Variants in CRYBG2 observed in about 807,000 individuals in gnomAD.
CRYBG2 encodes the protein crystallin beta-gamma domain containing 2.
A neutral mutation model predicts 153.4 loss-of-function variants in CRYBG2; 106 were observed. That is an observed-to-expected ratio of 0.69 (90% CI 0.59 to 0.81). The LOEUF (loss-of-function observed/expected upper bound fraction) is 0.81, where lower values mean the gene tolerates loss of function less well. Ranked by LOEUF, CRYBG2 falls within the 30% of genes least tolerant of loss-of-function variation. The pLI is 0.00. For missense variants in CRYBG2, 1,996 were observed against 2,112.0 expected, an observed-to-expected ratio of 0.95 and a Z score of 1.08; for synonymous variants, 851 against 877.8, an observed-to-expected ratio of 0.97 and a Z score of 0.54.
rs562768028 is a variant in CRYBG2 at position 26,321,951 on chromosome 1, G to A, written c.*17C>T. On this transcript the variant is annotated 3_prime_UTR_variant, in exon 20 of 20. Coordinates refer to ENST00000308182, the MANE Select transcript of CRYBG2 (RefSeq NM_001039775.4). ...CCCAGCAAAAGCCTCCAGGGCTGGAGGGTGAGGGGAAAAGTTTCAAAGCAC... is the reference window on the plus strand; with the variant it reads ...CCCAGCAAAAGCCTCCAGGGCTGGAAGGTGAGGGGAAAAGTTTCAAAGCAC... 4.2e-4 allele frequency: 651 copies of A among 1,542,660 alleles called. 12 individuals carry two copies. The South Asian group carries it at 7.3e-3, about 17-fold the overall frequency.
At chr1:26,352,277 A>C (rs1027073255) in intron 1 of CRYBG2, among the ~76,000 whole-genome samples, 3 of 152,096 alleles carry the variant, frequency 2.0e-5, no homozygotes, top group African/African-American at 7.2e-5. Flanking sequence ...AAAAACATAC[A>C]CAACCAGGGA....
chr1:26,323,192 C>T (rs1026703081), intron 18 of CRYBG2, among the ~76,000 whole-genome samples: 1 of 151,900 alleles, frequency 6.6e-6, no homozygotes, highest in African/African-American at 2.4e-5. Context: ...GTAATCCTCC[C>T]ACCTCGGCCT....
intron 5 of CRYBG2, among the ~76,000 whole-genome samples, chr1:26,341,726 A>AT (rs1053104061): frequency 1.6e-4 from 25 of 152,226 alleles, no homozygotes; most frequent in African/African-American, 5.5e-4. Context: ...ACCTCAGGTG[A>AT]TCCCCCAACT....
At position 26,344,042 on chromosome 1, in the gene CRYBG2, A is replaced by G. The variant is rs1321554369; in HGVS notation, c.2616T>C (p.Pro872=). The change falls in exon 2 of 20, where the codon CCT becomes CCC. Residue 872 remains proline (P), a synonymous_variant. Transcript: ENST00000308182. ...CTACATGCTTCTTCATCATCTCCAGAGGAGAGCAGGAGACCTGGGTGGGTC... is the reference window on the plus strand; with the variant it reads ...CTACATGCTTCTTCATCATCTCCAGGGGAGAGCAGGAGACCTGGGTGGGTC... ...PARPTQVSCS[P]LEMMKKHVAG... The G allele has an allele frequency of 1.3e-6, 2 of 1,536,048 alleles. No homozygotes were observed. The highest frequency in any genetic ancestry group is 8.7e-7 in the Non-Finnish European group (1 of 1,146,866).
At chr1:26,322,117 G>T in intron 19 of CRYBG2, 47 bp downstream of exon 19, 8 of 1,600,034 alleles carry the variant, frequency 5.0e-6, no homozygotes, top group Non-Finnish European at 6.0e-6. Context: ...GGACTCCATG[G>T]CTCTCAGCCC....
rs899286155 is a variant in CRYBG2 at position 26,328,589 on chromosome 1, C to A, written c.4454+145G>T. ...CTGAGAGCCAGTGACCCTTCTCAGT[C>A]CGCACTTCTCCCTCCTTCCTGGCTT... is the stretch of plus-strand genomic sequence containing the variant. On this transcript the variant is annotated intron_variant, in intron 16 of 19. Coordinates refer to ENST00000308182, the MANE Select transcript of CRYBG2 (RefSeq NM_001039775.4). The A allele has an allele frequency of 5.2e-5, 68 of 1,299,252 alleles. No homozygotes were observed. The African/African-American group carries it at 9.5e-4, about 18-fold the overall frequency. The allele number at this position is 1,299,252 out of a possible 1,614,324, so 80.5% of individuals were successfully genotyped here.
intron 18 of CRYBG2, 143 bp from the exon 19 acceptor site, chr1:26,322,466 G>A (rs1358224496): frequency 8.5e-6 from 8 of 941,246 alleles, no homozygotes; most frequent in Non-Finnish European, 1.2e-5. Flanking sequence ...CTCAGCTTCA[G>A]TTTCCTCTCG....
Position 26,345,490 on chromosome 1 carries a change from G to A in CRYBG2, c.1168C>T (p.Pro390Ser). 6.3e-7 allele frequency: 1 copy of A among 1,590,080 alleles called. No homozygotes were observed. Among genetic ancestry groups the A allele is most frequent in the Non-Finnish European group, 8.6e-7 (1 of 1,167,476 alleles). ...TCCACGGGCCCGTCCTTTTTTTTAG[G>A]GGGCAGAACAAGGGGAGTGAGCCGG... ...GARLTPLVLPPKKKDGPVDPP... is the reference protein window; with the variant it reads ...GARLTPLVLPSKKKDGPVDPP... The change falls in exon 2 of 20, where the codon CCT becomes TCT. Residue 390 changes from proline (P) to serine (S), a missense_variant. Pro to Ser is a moderately conservative substitution (Grantham distance 74). Coordinates refer to ENST00000308182, the MANE Select transcript of CRYBG2 (RefSeq NM_001039775.4).
chr1:26,351,008 G>A (rs1003609760), intron 1 of CRYBG2, among the ~76,000 whole-genome samples: 4 of 152,138 alleles, frequency 2.6e-5, no homozygotes, highest in African/African-American at 4.8e-5. Context: ...CTGAAGCCCC[G>A]GGAAGCCTGA....
Position 26,342,762 on chromosome 1 carries a change from C to T in CRYBG2, c.3196G>A (p.Val1066Ile), listed in dbSNP as rs1337752891. The T allele has an allele frequency of 6.2e-7, 1 of 1,613,618 alleles. No individual in the cohort carries two copies. Among genetic ancestry groups the T allele is most frequent in the Admixed American group, 1.7e-5 (1 of 60,012 alleles). Reference sequence around the variant, plus strand: ...ACCTCCAACTCACTCACCCAGACAACCCTCCTTAGGGAGCCGATGCCTTGG... The same window carrying T: ...ACCTCCAACTCACTCACCCAGACAATCCTCCTTAGGGAGCCGATGCCTTGG... ...SPQGIGSLRR[V>I]VWDYSTPEIS... The change falls in exon 5 of 20, where the codon GTT becomes ATT. Residue 1066 changes from valine (V) to isoleucine (I), a missense_variant. Physicochemically the swap from Val to Ile is conservative, Grantham distance 29. Transcript: ENST00000308182.
At position 26,343,769 on chromosome 1, in the gene CRYBG2, G is replaced by A; in HGVS notation, c.2889C>T (p.Ala963=). ...SERSSPTEKL[A]CSLPLEGWSP... is the part of the protein sequence containing the mutation. Reference sequence around the variant, plus strand: ...CCCACCCCTCCAGGGGCAGGGAACAGGCAAGCTTCTCCGTTGGGGATGATC... The same window carrying A: ...CCCACCCCTCCAGGGGCAGGGAACAAGCAAGCTTCTCCGTTGGGGATGATC... Residue 963 remains alanine (A), a synonymous_variant, in exon 2 of 20, where the codon GCC becomes GCT. Transcript: ENST00000308182. This position sits in a 1 kb window ranked among gnomAD's most constrained non-coding sequence, Gnocchi z 4.1. 1 of 1,448,812 alleles carries A rather than the reference G, an allele frequency of 6.9e-7. No individual in the cohort carries two copies. Among genetic ancestry groups the A allele is most frequent in the Non-Finnish European group, 9.1e-7 (1 of 1,098,320 alleles). The allele number at this position is 1,448,812 out of a possible 1,614,324, so 89.7% of individuals were successfully genotyped here.
chr1:26,335,191 G>A (rs967091806), intron 14 of CRYBG2, among the ~76,000 whole-genome samples: 67 of 151,864 alleles, frequency 4.4e-4, no homozygotes, highest in African/African-American at 1.6e-3. Flanking sequence ...AAAACTACTG[G>A]GGTCGCCGGG....
intron 18 of CRYBG2, among the ~76,000 whole-genome samples, chr1:26,322,961 GC>G (rs1421331517): frequency 6.6e-6 from 1 of 152,132 alleles, no homozygotes; most frequent in Non-Finnish European, 1.5e-5. Context: ...CTTCCTCAGG[GC>G]CTTTGCACTG....
chr1:26,342,492 C>T (rs986092947), intron 5 of CRYBG2, among the ~76,000 whole-genome samples: 4 of 152,164 alleles, frequency 2.6e-5, no homozygotes, highest in East Asian at 3.9e-4. Context: ...CTCTGCCTCC[C>T]GGGTTCAAGT....
At chr1:26,333,992 A>AT (rs935041428) in intron 14 of CRYBG2, among the ~76,000 whole-genome samples, 3 of 152,036 alleles carry the variant, frequency 2.0e-5, no homozygotes, top group African/African-American at 7.2e-5. Context: ...CTAATTAAAA[A>AT]TTTTTTTGTC....
intron 1 of CRYBG2, among the ~76,000 whole-genome samples, chr1:26,350,975 A>T (rs906637440): frequency 6.6e-6 from 1 of 152,092 alleles, no homozygotes. Flanking sequence ...CTCAGGCTTT[A>T]TGAGGGGCAG....
At chr1:26,335,994 T>C (rs887525039) in intron 14 of CRYBG2, 101 bp downstream of exon 14, 3 of 1,014,258 alleles carry the variant, frequency 3.0e-6, no homozygotes, top group South Asian at 3.6e-5. Flanking sequence ...GAACAGTTCA[T>C]CGCAAGGTAG....
At position 26,345,705 on chromosome 1, in the gene CRYBG2, C is replaced by CCCTGGTCTCTGT. The variant is rs1486486499; in HGVS notation, c.941_952dup (p.Asp314_Gln317dup). 6.3e-7 allele frequency: 1 copy of CCCTGGTCTCTGT among 1,597,832 alleles called. No individual in the cohort carries two copies. Among genetic ancestry groups the CCCTGGTCTCTGT allele is most frequent in the South Asian group, 1.1e-5 (1 of 90,964 alleles). On this transcript the variant is annotated inframe_insertion, in exon 2 of 20. Transcript: ENST00000308182. Reference sequence around the variant, plus strand: ...ACAGGCCCTGGCATCCGGGGCTCTGCCCTGGTCTCTGTCCGGACAGGCTGC... The same window carrying CCCTGGTCTCTGT: ...ACAGGCCCTGGCATCCGGGGCTCTGCCCTGGTCTCTGTCCTGGTCTCTGTCCGGACAGGCTGC...
At chr1:26,337,462 C>G (rs200969013) in intron 9 of CRYBG2, 76 bp downstream of exon 9, 51 of 1,599,492 alleles carry the variant, frequency 3.2e-5, no homozygotes, top group Non-Finnish European at 3.8e-5. Context: ...CACCCCTACG[C>G]AGCCCAGGTC....
Sources: gnomAD v4.1 joint callset for allele counts (sites outside exome capture counted in the v4.1 genomes callset) on GRCh38, gnomAD v4.1.1 for gene constraint, Gnocchi (gnomAD v3.1) non-coding constraint, MANE v1.5 for transcripts, NCBI Gene and HGNC (gene_info 2026-07-23, HGNC 2026-07-21) for gene names.